SPATA13: variants seen among roughly 807,000 people sequenced by gnomAD.
The protein encoded by SPATA13 is spermatogenesis associated 13.
A neutral mutation model predicts 104.0 loss-of-function variants in SPATA13; 50 were observed. That is an observed-to-expected ratio of 0.48 (90% CI 0.38 to 0.61). The LOEUF (loss-of-function observed/expected upper bound fraction) is 0.61. SPATA13 is among the 20% of genes least tolerant of loss of function. SPATA13 has a pLI of 0.00. For missense variants in SPATA13, 1,524 were observed against 1,690.6 expected, an observed-to-expected ratio of 0.90 and a Z score of 1.73; for synonymous variants, 606 against 667.5, an observed-to-expected ratio of 0.91 and a Z score of 1.42.
chr13:23,987,321 C>T (rs1448033108), intron 2 of SPATA13, among the ~76,000 whole-genome samples: 1 of 152,086 alleles, frequency 6.6e-6, no homozygotes, highest in Admixed American at 6.5e-5. Context: ...AGGAGCCACA[C>T]TGCTTGTAAA....
At chr13:24,142,606 T>C (rs1881797518) in intron 3 of SPATA13, among the ~76,000 whole-genome samples, 1 of 152,178 alleles carries the variant, frequency 6.6e-6, no homozygotes, top group African/African-American at 2.4e-5. Context: ...TTGGAGCTTT[T>C]CTTTAAGAGG....
chr13:24,179,564 T>C (rs1170579750), intron 1 of SPATA13, among the ~76,000 whole-genome samples: 1 of 151,280 alleles, frequency 6.6e-6, no homozygotes, highest in Non-Finnish European at 1.5e-5. Flanking sequence ...AATCTTTTTA[T>C]CTTGCAAAAC....
chr13:24,141,323 T>TA (rs767597436), intron 3 of SPATA13, among the ~76,000 whole-genome samples: 2 of 152,138 alleles, frequency 1.3e-5, no homozygotes, highest in African/African-American at 2.4e-5. Flanking sequence ...AATTAATTAA[T>TA]TAACCCTACA....
intron 3 of SPATA13, among the ~76,000 whole-genome samples, chr13:24,029,597 T>G (rs900122992): frequency 6.6e-6 from 1 of 152,228 alleles, no homozygotes; most frequent in Non-Finnish European, 1.5e-5. Flanking sequence ...AGAGCATTTT[T>G]GGAATCACAG....
At chr13:24,049,450 G>A (rs961681302) in intron 3 of SPATA13, among the ~76,000 whole-genome samples, 1 of 152,204 alleles carries the variant, frequency 6.6e-6, no homozygotes, top group Non-Finnish European at 1.5e-5. Context: ...CTAGGTTTGT[G>A]TGAGTACGCT....
chr13:24,166,978 A>G (rs1346774289), intron 1 of SPATA13, among the ~76,000 whole-genome samples: 1 of 152,226 alleles, frequency 6.6e-6, no homozygotes, highest in African/African-American at 2.4e-5. Flanking sequence ...CCCATCTCTC[A>G]GAGTTTCAAA....
Position 24,111,531 on chromosome 13 carries a change from C to CT in SPATA13, c.-112+93831dup, listed in dbSNP as rs1255273933. Among the ~76,000 whole-genome samples, 5 of 152,094 alleles carry CT rather than the reference C, an allele frequency of 3.3e-5. No individual in the cohort carries two copies. The South Asian group carries it at 8.3e-4, about 25-fold the overall frequency. ...CAAGTAATCCTCCCACCTCAGCCTC[C>CT]TGAGTAGTTGGGACCACAGGTACAC... On this transcript the variant is annotated intron_variant, in intron 3 of 14. Transcript: ENST00000424834.
chr13:24,032,971 G>T (rs899035100), intron 3 of SPATA13, among the ~76,000 whole-genome samples: 1 of 152,196 alleles, frequency 6.6e-6, no homozygotes, highest in Non-Finnish European at 1.5e-5. Flanking sequence ...ACTCATTTTG[G>T]GTAGATTGGA....
In SPATA13 at chr13:24,246,520, C is replaced by T. The variant is rs138491462; in HGVS notation, c.1654-2957C>T. Among the ~76,000 whole-genome samples, 357 of 152,158 alleles carry T rather than the reference C, an allele frequency of 2.3e-3. 3 individuals carry two copies. Among genetic ancestry groups the T allele is most frequent in the African/African-American group, 8.2e-3 (339 of 41,492 alleles). On this transcript the variant is annotated intron_variant, in intron 2 of 12. Coordinates refer to ENST00000382108, the MANE Select transcript of SPATA13 (RefSeq NM_001166271.3). ...AGAAAAGACATGTTTATTCACATGC[C>T]TGCGTTTGTGCGTGTCTCTGTGTGT...
chr13:24,240,396 G>T (rs554045050), intron 2 of SPATA13, among the ~76,000 whole-genome samples: 2 of 152,176 alleles, frequency 1.3e-5, no homozygotes, highest in African/African-American at 4.8e-5. Flanking sequence ...GAACCCCCTT[G>T]AACAATTATC....
chr13:24,251,139 T>C (rs1018321504), intron 3 of SPATA13, among the ~76,000 whole-genome samples: 3 of 152,216 alleles, frequency 2.0e-5, no homozygotes, highest in Non-Finnish European at 2.9e-5. Context: ...GGCAACTACA[T>C]GGAAAACCAC....
At chr13:24,136,816 T>C (rs1881585624) in intron 3 of SPATA13, among the ~76,000 whole-genome samples, 1 of 116,890 alleles carries the variant, frequency 8.6e-6, no homozygotes, top group Admixed American at 9.6e-5. Flanking sequence ...TGATTAAATA[T>C]GTTCTTTATT....
chr13:23,988,057 C>T (rs1272191036), intron 2 of SPATA13, among the ~76,000 whole-genome samples: 1 of 151,948 alleles, frequency 6.6e-6, no homozygotes, highest in African/African-American at 2.4e-5. Context: ...AATTCTCCTG[C>T]CTCAGCCTCC....
intron 3 of SPATA13, among the ~76,000 whole-genome samples, chr13:24,041,149 A>T (rs1473259481): frequency 6.6e-6 from 1 of 152,248 alleles, no homozygotes; most frequent in African/African-American, 2.4e-5. Flanking sequence ...AGCCCTATCC[A>T]CTTAGCTTGA....
At chr13:24,024,935 T>TATATATATAAATATATATATAA (rs1482125182) in intron 3 of SPATA13, among the ~76,000 whole-genome samples, 9 of 32,912 alleles carry the variant, frequency 2.7e-4, no homozygotes, top group African/African-American at 8.7e-4. Context: ...TTCAAATTCA[T>TATATATATAAATATATATATAA]ATATATATAA....
Position 24,036,041 on chromosome 13 carries a change from A to G in SPATA13, c.-112+18340A>G, listed in dbSNP as rs1035477102. Among the ~76,000 whole-genome samples, 3 of 151,912 alleles carry G rather than the reference A, an allele frequency of 2.0e-5. No individual in the cohort carries two copies. In the South Asian group the frequency reaches 6.2e-4, roughly 32 times the overall value. ...AAAAAAAAAAAAAAAAAAGAAAGAA[A>G]GAAAAAACCTGAGGATCCTATGCAG... On this transcript the variant is annotated intron_variant, in intron 3 of 14. Coordinates refer to the SPATA13 transcript ENST00000424834.
At chr13:24,267,667 C>A (rs1874359794) in intron 4 of SPATA13, among the ~76,000 whole-genome samples, 1 of 152,240 alleles carries the variant, frequency 6.6e-6, no homozygotes, top group African/African-American at 2.4e-5. Flanking sequence ...TTGCCTCCTT[C>A]TGGAATTTAG....
chr13:24,214,488 T>A (rs1450266379), intron 1 of SPATA13, among the ~76,000 whole-genome samples: 1 of 152,244 alleles, frequency 6.6e-6, no homozygotes, highest in Non-Finnish European at 1.5e-5. Flanking sequence ...GAAACTGCTC[T>A]AAAAGAAATT....
intron 4 of SPATA13, among the ~76,000 whole-genome samples, chr13:24,267,310 A>G (rs570095080): frequency 4.3e-4 from 65 of 152,316 alleles, no homozygotes; most frequent in African/African-American, 1.5e-3. Flanking sequence ...GTTGGGTCAC[A>G]TCCTTTGAGA....
Sources: allele counts gnomAD v4.1 joint callset (sites outside exome capture counted in the v4.1 genomes callset), GRCh38; gene constraint gnomAD v4.1.1; transcripts MANE v1.5; gene names NCBI Gene and HGNC (gene_info 2026-07-23, HGNC 2026-07-21).